MCTP1: variants seen among roughly 807,000 people sequenced by gnomAD.
The protein encoded by MCTP1 is multiple C2 and transmembrane domain containing 1, also known as multiple C2 and transmembrane domain-containing protein 1.
In MCTP1, 69 loss-of-function variants were observed where a neutral mutation model predicts 120.6. The observed-to-expected ratio is 0.57, with a 90% CI of 0.47 to 0.70. The LOEUF (loss-of-function observed/expected upper bound fraction) is 0.70. MCTP1 is among the 30% of genes least tolerant of loss of function. MCTP1 has a pLI of 0.00. For synonymous variants in MCTP1, 529 were observed against 493.1 expected (o/e 1.07, Z -0.96); for missense variants, 1,203 against 1,248.8 (o/e 0.96, Z 0.55).
At chr5:95,190,477 C>T (rs1453312074) in intron 1 of MCTP1, among the ~76,000 whole-genome samples, 2 of 152,072 alleles carry the variant, frequency 1.3e-5, no homozygotes, top group African/African-American at 4.8e-5. Context: ...CTAAACCTCT[C>T]TTCCTTTTAG....
chr5:95,026,054 C>T (rs376969548), intron 1 of MCTP1, among the ~76,000 whole-genome samples: 4 of 151,966 alleles, frequency 2.6e-5, no homozygotes, highest in Non-Finnish European at 5.9e-5. Context: ...AAATCGAAGT[C>T]GGGAATGCCT....
rs562633883 is a variant in MCTP1, at chr5:95,161,221, G to A, written c.720+122635C>T. On this transcript the variant is annotated intron_variant, in intron 1 of 22. Coordinates refer to ENST00000515393, the MANE Select transcript of MCTP1 (RefSeq NM_024717.7). ...GTCCATCATCAGATGCACGGATAAA[G>A]GAAATGTGGCTTATATGCATAATAG... is the stretch of plus-strand genomic sequence containing the variant. Among the ~76,000 whole-genome samples, 27 of 152,250 alleles carry A rather than the reference G, an allele frequency of 1.8e-4. 1 individual carries two copies. The highest frequency in any genetic ancestry group is 6.0e-4 in the African/African-American group (25 of 41,542).
chr5:94,835,176 T>C (rs996416234), intron 17 of MCTP1, among the ~76,000 whole-genome samples: 1 of 152,132 alleles, frequency 6.6e-6, no homozygotes, highest in East Asian at 1.9e-4. Context: ...GATTTAAGGG[T>C]TTGAGCATTG....
chr5:94,800,708 A>G (rs1234036611), intron 17 of MCTP1, among the ~76,000 whole-genome samples: 3 of 152,272 alleles, frequency 2.0e-5, no homozygotes, highest in East Asian at 3.9e-4. Flanking sequence ...TCAATGTGAC[A>G]TTAAATTTTG....
chr5:94,802,258 T>G (rs6888297), intron 17 of MCTP1, among the ~76,000 whole-genome samples: 21,718 of 152,120 alleles, frequency 0.14, 2,371 homozygotes, highest in African/African-American at 0.3. Context: ...TTATTTTTCT[T>G]TTTCAGCACC....
At chr5:94,819,700 G>A (rs1645292398) in intron 17 of MCTP1, among the ~76,000 whole-genome samples, 1 of 152,174 alleles carries the variant, frequency 6.6e-6, no homozygotes, top group Admixed American at 6.5e-5. Flanking sequence ...GACATTCTGA[G>A]TGAGTCTTCT....
Position 94,871,374 on chromosome 5 carries a change from C to T in MCTP1, c.2080G>A (p.Asp694Asn). The T allele has an allele frequency of 6.2e-7, 1 of 1,612,528 alleles. No homozygotes were observed. Among genetic ancestry groups the T allele is most frequent in the South Asian group, 1.1e-5 (1 of 91,054 alleles). Residue 694 changes from aspartate (D) to asparagine (N), a missense_variant, in exon 14 of 23, where the codon GAT becomes AAT. Coordinates refer to ENST00000515393, the MANE Select transcript of MCTP1 (RefSeq NM_024717.7). ...IHSVLEVTVY[D>N]EDRDRSADFL... ...TCAGCACTTCGATCCCGATCTTCAT[C>T]ATAAACTGTCACTTCAAGAACTGAA...
At chr5:94,931,725 T>C in intron 6 of MCTP1, 2 of 501,302 alleles carry the variant, frequency 4.0e-6, no homozygotes, top group Non-Finnish European at 7.0e-6. Context: ...ATGCTGAGAA[T>C]GATGTTGAGA....
rs1050505260 is a variant in MCTP1 at position 94,707,354 on chromosome 5, G to T, written c.*142C>A. The T allele has an allele frequency of 1.6e-6, 1 of 644,756 alleles. No homozygotes were observed. Among genetic ancestry groups the T allele is most frequent in the Non-Finnish European group, 2.7e-6 (1 of 367,996 alleles). 39.9% of individuals were successfully genotyped at this position (644,756 alleles called of 1,614,324 possible). ...TATATATTCAAAGACATATGCCTTT[G>T]TACACTATTTACAGATTCTCTCGAT... On this transcript the variant is annotated 3_prime_UTR_variant, in exon 23 of 23. Transcript: ENST00000515393.
intron 1 of MCTP1, among the ~76,000 whole-genome samples, chr5:95,059,937 G>A (rs1305435082): frequency 6.6e-6 from 1 of 152,178 alleles, no homozygotes; most frequent in Non-Finnish European, 1.5e-5. Flanking sequence ...AACCCAGGAT[G>A]GAGAGAAACC....
At chr5:94,880,247 A>G (rs1799761567) in intron 12 of MCTP1, among the ~76,000 whole-genome samples, 1 of 152,162 alleles carries the variant, frequency 6.6e-6, no homozygotes, top group South Asian at 2.1e-4. Flanking sequence ...AAATGAGAAT[A>G]AAAATACATT....
chr5:95,256,591 G>A (rs898830250), intron 1 of MCTP1, among the ~76,000 whole-genome samples: 1 of 152,184 alleles, frequency 6.6e-6, no homozygotes, highest in Non-Finnish European at 1.5e-5. Context: ...TTGCCTAGAA[G>A]TCCCTTTTTG....
chr5:95,099,872 C>T (rs1013943875), intron 1 of MCTP1, among the ~76,000 whole-genome samples: 1 of 149,864 alleles, frequency 6.7e-6, no homozygotes, highest in African/African-American at 2.5e-5. Context: ...TGGAACCAAC[C>T]CAAATGTCCA....
At chr5:95,120,113 C>G (rs981279365) in intron 1 of MCTP1, among the ~76,000 whole-genome samples, 35 of 141,776 alleles carry the variant, frequency 2.5e-4, no homozygotes, top group African/African-American at 8.3e-4. Context: ...GGAGGCAGAG[C>G]TTGTAGTTAG....
intron 18 of MCTP1, chr5:94,789,406 T>C (rs778089511): frequency 6.6e-6 from 1 of 152,244 alleles, no homozygotes; most frequent in African/African-American, 2.4e-5. Flanking sequence ...CTTTCTCTAT[T>C]TGAACTGACA....
At chr5:95,212,748 A>G (rs1460958775) in intron 1 of MCTP1, among the ~76,000 whole-genome samples, 1 of 152,074 alleles carries the variant, frequency 6.6e-6, no homozygotes, top group African/African-American at 2.4e-5. Flanking sequence ...TATAAACAGA[A>G]CCAAAGACAA....
intron 1 of MCTP1, among the ~76,000 whole-genome samples, chr5:95,080,576 G>T (rs1043939299): frequency 1.3e-5 from 2 of 152,094 alleles, no homozygotes; most frequent in Non-Finnish European, 2.9e-5. Context: ...CTAGCTGAAA[G>T]GAATTTAAAG....
At chr5:94,799,276 T>C in intron 17 of MCTP1, 144 bp from the exon 18 acceptor site, 1 of 734,764 alleles carries the variant, frequency 1.4e-6, no homozygotes, top group Non-Finnish European at 2.1e-6. Flanking sequence ...CTTGGAAACT[T>C]TTAGACATTT....
intron 1 of MCTP1, among the ~76,000 whole-genome samples, chr5:95,099,115 A>T (rs1423989758): frequency 6.6e-6 from 1 of 151,894 alleles, no homozygotes; most frequent in Non-Finnish European, 1.5e-5. Flanking sequence ...TTATACAAAA[A>T]TCAATTCAAG....
Sources: gnomAD v4.1 joint callset for allele counts (sites outside exome capture counted in the v4.1 genomes callset) on GRCh38, gnomAD v4.1.1 for gene constraint, MANE v1.5 for transcripts, NCBI Gene and HGNC (gene_info 2026-07-23, HGNC 2026-07-21) for gene names.